The following KCNQ1 variants were observed in gnomAD, a reference collection of about 807,000 sequenced individuals.
KCNQ1 encodes potassium voltage-gated channel subfamily Q member 1, also known as potassium voltage-gated channel subfamily KQT member 1.
A neutral mutation model predicts 72.4 loss-of-function variants in KCNQ1; 49 were observed. The observed-to-expected ratio is 0.68, with a 90% confidence interval of 0.54 to 0.86. KCNQ1 has a LOEUF of 0.86. Ranked by LOEUF, KCNQ1 falls within the 40% of genes least tolerant of loss-of-function variation. The pLI, the probability that KCNQ1 is intolerant of heterozygous loss-of-function variation, is 0.00. For missense variants in KCNQ1, 790 were observed against 945.1 expected (o/e 0.84, Z 2.15); for synonymous variants, 450 against 412.6 (o/e 1.09, Z -1.10).
chr11:2,717,795 C>T (rs543902799), intron 11 of KCNQ1, among the ~76,000 whole-genome samples: 54 of 152,306 alleles, frequency 3.5e-4, no homozygotes, highest in Non-Finnish European at 6.5e-4. Flanking sequence ...CAGCTCACAG[C>T]GGCTGGAGAG....
chr11:2,733,814 A>ACACT, intron 11 of KCNQ1, among the ~76,000 whole-genome samples: 13 of 86,628 alleles, frequency 1.5e-4, no homozygotes, highest in Admixed American at 8.7e-4. Flanking sequence ...ACACACACAC[A>ACACT]CTCTCTCACT....
intron 15 of KCNQ1, among the ~76,000 whole-genome samples, chr11:2,842,812 A>G (rs1848241238): frequency 6.6e-6 from 1 of 152,322 alleles, no homozygotes; most frequent in East Asian, 1.9e-4. Context: ...TGCACTGAGC[A>G]CCATGCTCTG....
intron 15 of KCNQ1, among the ~76,000 whole-genome samples, chr11:2,779,735 G>C (rs1053718970): frequency 1.3e-5 from 2 of 152,186 alleles, no homozygotes; most frequent in African/African-American, 4.8e-5. Context: ...GAAGTGCAAT[G>C]GCCCCTTCCT....
At chr11:2,618,595 C>A in intron 10 of KCNQ1, 1 of 398,498 alleles carries the variant, frequency 2.5e-6, no homozygotes, top group South Asian at 1.3e-4. Context: ...ACTGTTTGAT[C>A]AATAGTTTTG....
chr11:2,630,940 A>G (rs1589992188), intron 10 of KCNQ1: 5 of 398,426 alleles, frequency 1.3e-5, no homozygotes, highest in Non-Finnish European at 2.2e-5. Flanking sequence ...TTGCTCAGAA[A>G]TCCACTGATA....
chr11:2,702,901 G>A (rs1850842997), intron 11 of KCNQ1, among the ~76,000 whole-genome samples: 2 of 152,184 alleles, frequency 1.3e-5, no homozygotes, highest in Non-Finnish European at 1.5e-5. Flanking sequence ...ACGGGGTGCC[G>A]TCAATCAGCC....
intron 15 of KCNQ1, among the ~76,000 whole-genome samples, chr11:2,779,536 G>A (rs1846779655): frequency 6.6e-6 from 1 of 152,124 alleles, no homozygotes; most frequent in Admixed American, 6.5e-5. Flanking sequence ...TTTCTGGACA[G>A]CACAGGCTGG....
intron 11 of KCNQ1, among the ~76,000 whole-genome samples, chr11:2,709,221 C>CA (rs1462767003): frequency 6.6e-5 from 3 of 45,606 alleles, no homozygotes; most frequent in Admixed American, 2.7e-4. Context: ...GGCTTCCAGG[C>CA]CCCCCCCACC....
At chr11:2,771,436 C>T (rs1016189048) in intron 12 of KCNQ1, 1 of 152,238 alleles carries the variant, frequency 6.6e-6, no homozygotes, top group Admixed American at 6.5e-5. Context: ...TTGGAGCATT[C>T]GTTGAATACC....
At chr11:2,456,053 G>A (rs567492639) in intron 1 of KCNQ1, among the ~76,000 whole-genome samples, 128 of 152,234 alleles carry the variant, frequency 8.4e-4, no homozygotes, top group African/African-American at 2.9e-3. Flanking sequence ...AGACAGATTA[G>A]ACGTGGCCAG....
intron 11 of KCNQ1, chr11:2,685,938 C>T (rs890762381): frequency 7.5e-6 from 3 of 398,736 alleles, no homozygotes; most frequent in South Asian, 1.3e-4. Context: ...CCCACTCTCC[C>T]ATCCTCCTGC....
intron 10 of KCNQ1, chr11:2,656,375 G>C (rs548734263): frequency 1.3e-5 from 5 of 398,456 alleles, no homozygotes; most frequent in Non-Finnish European, 1.8e-5. Context: ...GTCCTTCCCT[G>C]GTCTCTCTAA....
rs776555787 is a variant in KCNQ1, at chr11:2,679,941, G to A, written c.1514+17860G>A. The A allele has an allele frequency of 2.3e-5, 9 of 396,710 alleles. No homozygotes were observed. Among genetic ancestry groups the A allele is most frequent in the East Asian group, 7.1e-5 (2 of 28,046 alleles). 24.6% of individuals were successfully genotyped at this position (396,710 alleles called of 1,614,324 possible). A position where few individuals can be genotyped will look rare whatever the true frequency, so the allele number is the denominator to read the frequency against. ...CAGAGTCTCACTTTGTCACCTAGGC[G>A]GGAATGCAGTGGCACAGTCTCGGCT... On this transcript the variant is annotated intron_variant, in intron 11 of 15. Transcript: ENST00000155840. This position sits in a 1 kb window ranked among gnomAD's most constrained non-coding sequence, Gnocchi z 4.8.
rs1847834566 is a variant in KCNQ1, at chr11:2,541,983, G to T, written c.477+13965G>T. Among the ~76,000 whole-genome samples, 1 of 152,202 alleles carries T rather than the reference G, an allele frequency of 6.6e-6. No individual in the cohort carries two copies. Among genetic ancestry groups the T allele is most frequent in the African/African-American group, 2.4e-5 (1 of 41,458 alleles). Reference sequence around the variant, plus strand: ...CTGCACCGTGGGGTCCCCTGGCTTGGGGTGGGCCTCAGAGGCTGTCGCCGT... The same window carrying T: ...CTGCACCGTGGGGTCCCCTGGCTTGTGGTGGGCCTCAGAGGCTGTCGCCGT... On this transcript the variant is annotated intron_variant, in intron 2 of 15. Coordinates refer to ENST00000155840, the MANE Select transcript of KCNQ1 (RefSeq NM_000218.3). The surrounding 1 kb of genome is among the most constrained non-coding windows in gnomAD (Gnocchi z 4.8).
intron 11 of KCNQ1, among the ~76,000 whole-genome samples, chr11:2,721,311 G>A (rs932036136): frequency 6.6e-5 from 10 of 152,194 alleles, no homozygotes; most frequent in Non-Finnish European, 8.8e-5. Flanking sequence ...GGGTCTGCTC[G>A]TGAGGGACCC....
At chr11:2,804,393 C>A (rs1003902978) in intron 15 of KCNQ1, among the ~76,000 whole-genome samples, 9 of 152,200 alleles carry the variant, frequency 5.9e-5, no homozygotes, top group African/African-American at 2.2e-4. Flanking sequence ...CCTGGTCAAG[C>A]CCATCTGTGA....
intron 2 of KCNQ1, among the ~76,000 whole-genome samples, chr11:2,535,171 C>T (rs1334103492): frequency 2.0e-5 from 3 of 152,210 alleles, no homozygotes; most frequent in South Asian, 2.1e-4. Context: ...CAGAGGCTCT[C>T]GGAGCCTGTT....
chr11:2,571,438 GC>G, intron 4 of KCNQ1, 35 bp downstream of exon 4: 3 of 1,573,318 alleles, frequency 1.9e-6, no homozygotes, highest in Non-Finnish European at 8.7e-7. Context: ...CCGCCATGCC[GC>G]CCCACCCCGA....
intron 11 of KCNQ1, chr11:2,699,563 C>A: frequency 3.1e-6 from 1 of 323,892 alleles, no homozygotes; most frequent in Admixed American, 5.7e-5. Flanking sequence ...CGGAGGAGAA[C>A]CATGCTGAGG....
Sources: gnomAD v4.1 joint callset for allele counts (sites outside exome capture counted in the v4.1 genomes callset) on GRCh38, gnomAD v4.1.1 for gene constraint, Gnocchi (gnomAD v3.1) non-coding constraint, MANE v1.5 for transcripts, NCBI Gene and HGNC (gene_info 2026-07-23, HGNC 2026-07-21) for gene names.